GCN1: variants seen among roughly 807,000 people sequenced by gnomAD.
GCN1 encodes the protein GCN1 activator of EIF2AK4.
A neutral mutation model predicts 288.4 loss-of-function variants in GCN1; 90 were observed. The ratio of observed to expected loss-of-function variants is 0.31; its 90% confidence interval spans 0.26 to 0.37. GCN1 has a LOEUF of 0.37. Among genes scored for constraint, GCN1 ranks in the 10% least tolerant of loss-of-function variants. The pLI, the probability that GCN1 is intolerant of heterozygous loss-of-function variation, is 1.00. For synonymous variants in GCN1, 1,386 were observed against 1,420.2 expected (o/e 0.98, Z 0.54); for missense variants, 2,586 against 3,419.9 (o/e 0.76, Z 6.08).
At chr12:120,150,702 C>T (rs1447758811) in intron 34 of GCN1, among the ~76,000 whole-genome samples, 1 of 152,086 alleles carries the variant, frequency 6.6e-6, no homozygotes, top group East Asian at 1.9e-4. Context: ...CTTTGGGAGG[C>T]TGAGGCGGAC....
intron 15 of GCN1, among the ~76,000 whole-genome samples, chr12:120,169,276 C>CAAAAAAAAAAAAAAAAAAAAAAAAA (rs35819206): frequency 1.4e-4 from 9 of 66,636 alleles, no homozygotes; most frequent in African/African-American, 5.3e-4. Context: ...AACTCCGTCT[C>CAAAAAAAAAAAAAAAAAAAAAAAAA]AAAAAAAAAA....
intron 37 of GCN1, among the ~76,000 whole-genome samples, chr12:120,147,824 T>C (rs1877411266): frequency 6.6e-6 from 1 of 152,060 alleles, no homozygotes; most frequent in Non-Finnish European, 1.5e-5. Flanking sequence ...ACATCCAGAG[T>C]AGTCAGGTTA....
At chr12:120,166,696 T>A (rs1346974972) in intron 16 of GCN1, among the ~76,000 whole-genome samples, 2 of 132,928 alleles carry the variant, frequency 1.5e-5, no homozygotes, top group African/African-American at 5.8e-5. Flanking sequence ...AGAGCGAGAC[T>A]CTGTCTCAAA....
chr12:120,145,276 C>A lies in GCN1; in HGVS notation c.5002G>T (p.Asp1668Tyr), dbSNP rs376246856. The change falls in exon 39 of 58, where the codon GAC becomes TAC. Residue 1668 changes from aspartate (D) to tyrosine (Y), a missense_variant. Around this residue, in one of 8 missense-constraint regions of GCN1, gnomAD observed 371 missense variants for 572.6 expected, o/e 0.65. Transcript: ENST00000300648. ...CTCAGACTCACCTCAGGCACAGGGTCCAAAAGCGATGCTTTCAGGCCAGGC... is the reference window on the plus strand; with the variant it reads ...CTCAGACTCACCTCAGGCACAGGGTACAAAAGCGATGCTTTCAGGCCAGGC... ...VTPGLKASLL[D>Y]PVPEVRTVSA... 6 of 1,601,922 alleles carry A rather than the reference C, an allele frequency of 3.7e-6. No individual in the cohort carries two copies. The highest frequency in any genetic ancestry group is 1.3e-5 in the African/African-American group (1 of 74,400).
Position 120,156,322 on chromosome 12 carries a change from C to G in GCN1, c.3312+139G>C. ...CTTAGTGTTCTGATTCTCAGAGAGA[C>G]CCCAACCATGTGACTTCTTCTCTTT... On this transcript the variant is annotated intron_variant, in intron 28 of 57. Transcript: ENST00000300648. This position sits in a 1 kb window ranked among gnomAD's most constrained non-coding sequence, Gnocchi z 5.8. The G allele has an allele frequency of 1.3e-6, 1 of 764,732 alleles. No homozygotes were observed. Among genetic ancestry groups the G allele is most frequent in the South Asian group, 1.7e-5 (1 of 59,456 alleles). 47.4% of individuals were successfully genotyped at this position (764,732 alleles called of 1,614,324 possible).
chr12:120,161,385 C>T, intron 22 of GCN1, 105 bp downstream of exon 22: 2 of 741,242 alleles, frequency 2.7e-6, no homozygotes, highest in South Asian at 3.1e-5. Context: ...GTGCCATGGG[C>T]CTCAGGATGT....
rs766802566 is a variant in GCN1, at chr12:120,149,669, C to A, written c.4483G>T (p.Val1495Leu). ...AVMSNLSAHG[V>L]KLVLPSLLAA... ...AGTAAGGAGGGGAGCACCAGCTTCA[C>A]CCCGTGAGCACTCAAGTTGCTCATC... The change falls in exon 36 of 58, where the codon GTG becomes TTG. Residue 1495 changes from valine (V) to leucine (L), a missense_variant. Around this residue, in one of 8 missense-constraint regions of GCN1, gnomAD observed 371 missense variants for 572.6 expected, o/e 0.65. Coordinates refer to ENST00000300648, the MANE Select transcript of GCN1 (RefSeq NM_006836.2). 44 of 1,614,004 alleles carry A rather than the reference C, an allele frequency of 2.7e-5. No individual in the cohort carries two copies. In the Admixed American group the frequency reaches 3.5e-4, roughly 13 times the overall value.
intron 45 of GCN1, among the ~76,000 whole-genome samples, chr12:120,139,740 C>T (rs911751955): frequency 2.0e-5 from 3 of 152,324 alleles, no homozygotes; most frequent in Admixed American, 2.0e-4. Flanking sequence ...CTCCCATCTT[C>T]TCTAAGAACT....
At chr12:120,146,302 C>T (rs1388458585) in intron 38 of GCN1, among the ~76,000 whole-genome samples, 2 of 150,266 alleles carry the variant, frequency 1.3e-5, no homozygotes, top group South Asian at 2.1e-4. Context: ...TAATTATTTT[C>T]GTGGTGGGGA....
chr12:120,175,330 G>T, intron 11 of GCN1, 118 bp from the exon 12 acceptor site: 1 of 958,558 alleles, frequency 1.0e-6, no homozygotes, highest in Non-Finnish European at 1.7e-6. Context: ...AGTAGCCTTT[G>T]TGTTGTGAAG....
Position 120,184,155 on chromosome 12 carries a change from A to C in GCN1, c.274T>G (p.Ser92Ala). The change falls in exon 4 of 58, where the codon TCT becomes GCT. Residue 92 changes from serine to alanine, a missense_variant. This residue lies in a region of GCN1 where 913 missense variants were observed against 1,107.0 expected (regional missense o/e 0.82). Coordinates refer to ENST00000300648, the MANE Select transcript of GCN1 (RefSeq NM_006836.2). ...GAGCCTATACCAGAAGACTGCAGAG[A>C]GTGTAGAAGGTTCTTAGCAGTGGCT... ...PEATAKNLLHSLQSSGIGSKA... is the reference protein window; with the variant it reads ...PEATAKNLLHALQSSGIGSKA... 2 of 1,613,974 alleles carry C rather than the reference A, an allele frequency of 1.2e-6. No individual in the cohort carries two copies. Among genetic ancestry groups the C allele is most frequent in the Non-Finnish European group, 1.7e-6 (2 of 1,179,888 alleles).
At chr12:120,185,019 A>G in intron 2 of GCN1, 132 bp from the exon 3 acceptor site, 1 of 658,902 alleles carries the variant, frequency 1.5e-6, no homozygotes, top group Non-Finnish European at 2.7e-6. Flanking sequence ...CCTCCCCAAG[A>G]GGAAAAAGCA....
intron 18 of GCN1, among the ~76,000 whole-genome samples, chr12:120,163,984 G>A (rs1878019140): frequency 6.6e-6 from 1 of 152,088 alleles, no homozygotes; most frequent in South Asian, 2.1e-4. Flanking sequence ...CAAAAAATTA[G>A]CGGCCACTGC....
At chr12:120,192,633 G>A (rs987659913) in intron 1 of GCN1, among the ~76,000 whole-genome samples, 4 of 152,034 alleles carry the variant, frequency 2.6e-5, no homozygotes, top group Non-Finnish European at 5.9e-5. Flanking sequence ...TTGGGAGGCT[G>A]AGGCAGAAGA....
Position 120,156,796 on chromosome 12 carries a change from T to C in GCN1, c.3168+116A>G. The C allele has an allele frequency of 1.1e-6, 1 of 951,206 alleles. No homozygotes were observed. Among genetic ancestry groups the C allele is most frequent in the South Asian group, 1.4e-5 (1 of 71,352 alleles). 58.9% of individuals were successfully genotyped at this position (951,206 alleles called of 1,614,324 possible). On this transcript the variant is annotated intron_variant, in intron 27 of 57. Coordinates refer to ENST00000300648, the MANE Select transcript of GCN1 (RefSeq NM_006836.2). The surrounding 1 kb of genome is among the most constrained non-coding windows in gnomAD (Gnocchi z 5.8). ...GGCTGGCTCTCTAAAGCAGTCTTTC[T>C]ACCAAAGTCCAAAAGTAAGGGCTGA...
chr12:120,146,889 G>A (rs916011807), intron 38 of GCN1, among the ~76,000 whole-genome samples, 163 bp downstream of exon 38: 7 of 152,328 alleles, frequency 4.6e-5, no homozygotes, highest in African/African-American at 1.7e-4. Flanking sequence ...AAGATGCCCA[G>A]AGAGCCCGGA....
chr12:120,146,220 C>T (rs1406468675), intron 38 of GCN1, among the ~76,000 whole-genome samples: 5 of 143,868 alleles, frequency 3.5e-5, no homozygotes, highest in Non-Finnish European at 7.5e-5. Context: ...TGAGCCGAGA[C>T]TGATTCAGTG....
chr12:120,170,802 T>C (rs1158740645), intron 14 of GCN1, among the ~76,000 whole-genome samples: 1 of 151,792 alleles, frequency 6.6e-6, no homozygotes, highest in Non-Finnish European at 1.5e-5. Flanking sequence ...CCCATACAGA[T>C]GACCTTCGGA....
intron 15 of GCN1, among the ~76,000 whole-genome samples, chr12:120,168,957 G>A (rs1878220611): frequency 6.6e-6 from 1 of 152,114 alleles, no homozygotes; most frequent in African/African-American, 2.4e-5. Context: ...CTAACCAAAG[G>A]AGTTAAGTTC....
Sources: gnomAD v4.1 joint callset for allele counts (sites outside exome capture counted in the v4.1 genomes callset) on GRCh38, gnomAD v4.1.1 for gene constraint, gnomAD v4.1.1 regional missense constraint, Gnocchi (gnomAD v3.1) non-coding constraint, MANE v1.5 for transcripts, NCBI Gene and HGNC (gene_info 2026-07-23, HGNC 2026-07-21) for gene names.